Variants in HS3ST3A1 observed in about 807,000 individuals in gnomAD.
The protein encoded by HS3ST3A1 is heparan sulfate-glucosamine 3-sulfotransferase 3A1, also known as heparan sulfate glucosamine 3-O-sulfotransferase 3A1.
HS3ST3A1 carries 19 observed loss-of-function variants against 25.7 expected under a neutral mutation model. The ratio of observed to expected loss-of-function variants is 0.74; its 90% CI spans 0.52 to 1.08. HS3ST3A1 has a LOEUF of 1.08. Ranked by LOEUF, HS3ST3A1 falls within the 50% of genes least tolerant of loss-of-function variation. HS3ST3A1 has a pLI of 0.00. For synonymous variants in HS3ST3A1, 226 were observed against 278.6 expected (o/e 0.81, Z 1.88); for missense variants, 459 against 594.3 (o/e 0.77, Z 2.37).
intron 1 of HS3ST3A1, among the ~76,000 whole-genome samples, chr17:13,503,741 T>G (rs1905565768): frequency 6.6e-6 from 1 of 152,204 alleles, no homozygotes; most frequent in Non-Finnish European, 1.5e-5. Flanking sequence ...GGTGAGAATG[T>G]GGAACTGGCA....
At chr17:13,554,217 A>G (rs6502281) in intron 1 of HS3ST3A1, among the ~76,000 whole-genome samples, 44,540 of 152,060 alleles carry the variant, frequency 0.29, 7,820 homozygotes, top group African/African-American at 0.5. Context: ...TGGCAAGACT[A>G]CTGGTCCAGT....
At chr17:13,574,962 C>T (rs1907914109) in intron 1 of HS3ST3A1, among the ~76,000 whole-genome samples, 2 of 152,082 alleles carry the variant, frequency 1.3e-5, no homozygotes. Context: ...AATCCTCTTG[C>T]CACCATCCTG....
At chr17:13,539,355 G>T (rs1361814819) in intron 1 of HS3ST3A1, among the ~76,000 whole-genome samples, 1 of 152,156 alleles carries the variant, frequency 6.6e-6, no homozygotes, top group African/African-American at 2.4e-5. Context: ...AATATGGGTG[G>T]GAGAAATAGT....
chr17:13,567,623 A>C (rs1200557517), intron 1 of HS3ST3A1, among the ~76,000 whole-genome samples: 2 of 152,206 alleles, frequency 1.3e-5, no homozygotes, highest in Non-Finnish European at 2.9e-5. Context: ...GGAGTTTTGA[A>C]GAAATTGATT....
chr17:13,519,531 GCT>G (rs1480718809), intron 1 of HS3ST3A1, among the ~76,000 whole-genome samples: 1 of 152,046 alleles, frequency 6.6e-6, no homozygotes, highest in Non-Finnish European at 1.5e-5. Flanking sequence ...AGCTGAAAGT[GCT>G]TAGAATAGCA....
rs1263112131 is a variant in HS3ST3A1, at chr17:13,583,783, CTA to C, written c.599+16746_599+16747del. ...CTCTATTTCTTTTCTCTACGAACCT[CTA>C]TGAGTTGGAGAGAAATATTCGCTGT... is the stretch of plus-strand genomic sequence containing the variant. On this transcript the variant is annotated intron_variant, in intron 1 of 1. Coordinates refer to ENST00000284110, the MANE Select transcript of HS3ST3A1 (RefSeq NM_006042.3). 4.6e-5 allele frequency among the ~76,000 whole-genome samples: 7 copies of C among 152,328 alleles called. No individual in the cohort carries two copies. The East Asian group carries it at 9.6e-4, about 21-fold the overall frequency.
intron 1 of HS3ST3A1, among the ~76,000 whole-genome samples, chr17:13,591,736 G>A (rs866932760): frequency 4.0e-5 from 6 of 148,870 alleles, no homozygotes; most frequent in Middle Eastern, 3.6e-3. Flanking sequence ...TCAGCTCAAT[G>A]CAGCCTCTGC....
intron 1 of HS3ST3A1, among the ~76,000 whole-genome samples, chr17:13,586,269 T>C (rs1908265515): frequency 6.6e-6 from 1 of 152,048 alleles, no homozygotes; most frequent in African/African-American, 2.4e-5. Flanking sequence ...ATCTACCAAA[T>C]ATTTCCCTCA....
chr17:13,593,555 G>A (rs781773622), intron 1 of HS3ST3A1, among the ~76,000 whole-genome samples: 39 of 152,194 alleles, frequency 2.6e-4, no homozygotes, highest in Admixed American at 4.6e-4. Context: ...CGGGGCAGGG[G>A]AGGGGAAGCT....
intron 1 of HS3ST3A1, among the ~76,000 whole-genome samples, chr17:13,552,215 G>C (rs1440534099): frequency 6.6e-6 from 1 of 152,170 alleles, no homozygotes; most frequent in Non-Finnish European, 1.5e-5. Context: ...GAGTAGCTGA[G>C]ATTACAGGCA....
intron 1 of HS3ST3A1, among the ~76,000 whole-genome samples, chr17:13,594,818 A>C (rs762779720): frequency 6.6e-6 from 1 of 152,162 alleles, no homozygotes. Flanking sequence ...TCATCTTGCT[A>C]TAAGTGCTAC....
At chr17:13,562,810 C>CAGTAAATATAAATATA (rs1907582526) in intron 1 of HS3ST3A1, among the ~76,000 whole-genome samples, 1 of 152,088 alleles carries the variant, frequency 6.6e-6, no homozygotes, top group Non-Finnish European at 1.5e-5. Flanking sequence ...TCGATGTGCC[C>CAGTAAATATAAATATA]TGTGACCGTA....
At chr17:13,516,203 G>A (rs1055600125) in intron 1 of HS3ST3A1, among the ~76,000 whole-genome samples, 3 of 152,060 alleles carry the variant, frequency 2.0e-5, no homozygotes, top group Admixed American at 1.3e-4. Flanking sequence ...CCAGCTACTC[G>A]GAAGGCTGAG....
rs1218904636 is a variant in HS3ST3A1, at chr17:13,600,717, G to T, written c.413C>A (p.Pro138Gln). ...GAGSTVAEAP[P>Q]GTLALLLDEG... ...GTCCAGGAGCAGCGCCAGGGTCCCCGGCGGGGCCTCGGCCACGGTGCTTCC... is the reference window on the plus strand; with the variant it reads ...GTCCAGGAGCAGCGCCAGGGTCCCCTGCGGGGCCTCGGCCACGGTGCTTCC... Residue 138 changes from proline (P) to glutamine (Q), a missense_variant, in exon 1 of 2, where the codon CCG becomes CAG. Around this residue, in one of 3 missense-constraint regions of HS3ST3A1, gnomAD observed 346 missense variants for 303.9 expected, o/e 1.14. Coordinates refer to ENST00000284110, the MANE Select transcript of HS3ST3A1 (RefSeq NM_006042.3). The T allele has an allele frequency of 6.4e-7, 1 of 1,554,060 alleles. No individual in the cohort carries two copies. The highest frequency in any genetic ancestry group is 1.8e-5 in the Admixed American group (1 of 54,242).
chr17:13,559,290 C>T (rs1337005204), intron 1 of HS3ST3A1, among the ~76,000 whole-genome samples: 1 of 152,084 alleles, frequency 6.6e-6, no homozygotes, highest in Admixed American at 6.5e-5. Context: ...CCACCCAAGG[C>T]AAATCTGGAA....
At chr17:13,523,228 T>G (rs1012395411) in intron 1 of HS3ST3A1, among the ~76,000 whole-genome samples, 11 of 152,112 alleles carry the variant, frequency 7.2e-5, no homozygotes, top group Non-Finnish European at 1.6e-4. Context: ...CCAATCTGCA[T>G]TTGAAGAACT....
chr17:13,571,370 T>C (rs887012682), intron 1 of HS3ST3A1, among the ~76,000 whole-genome samples: 1 of 152,244 alleles, frequency 6.6e-6, no homozygotes, highest in Non-Finnish European at 1.5e-5. Context: ...AGAAACTCAG[T>C]CTTCCTATTC....
At chr17:13,575,432 T>C (rs570543718) in intron 1 of HS3ST3A1, among the ~76,000 whole-genome samples, 2 of 152,294 alleles carry the variant, frequency 1.3e-5, no homozygotes, top group African/African-American at 2.4e-5. Flanking sequence ...GAAGAAACTA[T>C]AGAGCATGAA....
At chr17:13,515,471 GTTTTTTTTT>G (rs33924561) in intron 1 of HS3ST3A1, among the ~76,000 whole-genome samples, 2 of 107,794 alleles carry the variant, frequency 1.9e-5, no homozygotes, top group Non-Finnish European at 1.8e-5. Flanking sequence ...GTTTGTTTCA[GTTTTTTTTT>G]TTTTTTTTTT....
Sources: allele counts gnomAD v4.1 joint callset (sites outside exome capture counted in the v4.1 genomes callset), GRCh38; gene constraint gnomAD v4.1.1; regional missense constraint gnomAD v4.1.1; transcripts MANE v1.5; gene names NCBI Gene and HGNC (gene_info 2026-07-23, HGNC 2026-07-21).